The following EMC3 variants were observed in gnomAD, a reference collection of about 807,000 sequenced individuals.
EMC3 encodes the protein 30 kDa protein.
In EMC3, 13 loss-of-function variants were observed where a neutral mutation model predicts 36.6. The observed-to-expected ratio is 0.35, with a 90% CI of 0.23 to 0.56. EMC3 has a LOEUF of 0.56. Ranked by LOEUF, EMC3 falls within the 20% of genes least tolerant of loss-of-function variation. The pLI, the probability that EMC3 is intolerant of heterozygous loss-of-function variation, is 0.84. For missense variants in EMC3, 220 were observed against 324.5 expected (o/e 0.68, Z 2.47); for synonymous variants, 120 against 111.9 (o/e 1.07, Z -0.46).
chr3:9,972,082 C>T (rs1437433297), intron 5 of EMC3, among the ~76,000 whole-genome samples: 2 of 152,100 alleles, frequency 1.3e-5, no homozygotes, highest in African/African-American at 4.8e-5. Context: ...GTAAGTAACA[C>T]ATGGGTGCTG....
Position 9,963,471 on chromosome 3 carries a change from A to ATTT in EMC3, c.*597_*598insAAA, listed in dbSNP as rs1209408583. ...CTAAGATAGATATATATATATATAT[A>ATTT]TATATATTTTTTTTTTTTTTTCAGA... On this transcript the variant is annotated 3_prime_UTR_variant, in exon 8 of 8. Transcript: ENST00000245046. 1 of 109,926 alleles carries ATTT rather than the reference A, an allele frequency of 9.1e-6. No individual in the cohort carries two copies. Among genetic ancestry groups the ATTT allele is most frequent in the African/African-American group, 3.5e-5 (1 of 28,400 alleles). 6.8% of individuals were successfully genotyped at this position (109,926 alleles called of 1,614,324 possible).
chr3:9,977,385 G>A lies in EMC3; in HGVS notation c.213+4C>T, dbSNP rs1373754494. On this transcript the variant is annotated splice_donor_region_variant and intron_variant, in intron 2 of 7. Transcript: ENST00000245046. ...GAGCTTTTTAATAAAAGATAAATGAGTACCTGTTTGGGAATGTATTTTCCA... is the reference window on the plus strand; with the variant it reads ...GAGCTTTTTAATAAAAGATAAATGAATACCTGTTTGGGAATGTATTTTCCA... 3.7e-6 allele frequency: 6 copies of A among 1,610,434 alleles called. No homozygotes were observed. The highest frequency in any genetic ancestry group is 2.2e-5 in the East Asian group (1 of 44,858).
intron 1 of EMC3, among the ~76,000 whole-genome samples, chr3:10,006,137 G>T (rs773820020): frequency 6.6e-6 from 1 of 152,194 alleles, no homozygotes; most frequent in Non-Finnish European, 1.5e-5. Flanking sequence ...CCAGCAACTG[G>T]TGAAGTCTTA....
At chr3:9,998,652 A>G (rs1266743213) in intron 1 of EMC3, among the ~76,000 whole-genome samples, 1 of 151,864 alleles carries the variant, frequency 6.6e-6, no homozygotes, top group Non-Finnish European at 1.5e-5. Context: ...TTGTGGTTTG[A>G]TTTGCATTTC....
chr3:9,973,628 C>CAGGATGCATCTAATGTGAGTAGCT lies in EMC3; in HGVS notation c.470_493dup (p.Ser164_Trp165insTer). On this transcript the variant is annotated stop_gained and splice_region_variant, in exon 5 of 8. Transcript: ENST00000245046. LOFTEE classifies it high-confidence loss of function. ...TTATTAAACAAAAGAAAGTTCTTAC[C>CAGGATGCATCTAATGTGAGTAGCT]AGGATGCATCTAATGTGAGTAGCTC... is the stretch of plus-strand genomic sequence containing the variant. 1 of 1,613,772 alleles carries CAGGATGCATCTAATGTGAGTAGCT rather than the reference C, an allele frequency of 6.2e-7. No homozygotes were observed.
In EMC3 at chr3:9,963,727, C is replaced by G. The variant is rs377532068; in HGVS notation, c.*342G>C. The G allele has an allele frequency of 7.5e-5, 13 of 174,052 alleles. 1 individual carries two copies. The East Asian group carries it at 8.1e-4, about 11-fold the overall frequency. The allele number at this position is 174,052 out of a possible 1,614,324, so 10.8% of individuals were successfully genotyped here. A position where few individuals can be genotyped will look rare whatever the true frequency, so the allele number is the denominator to read the frequency against. On this transcript the variant is annotated 3_prime_UTR_variant, in exon 8 of 8. Transcript: ENST00000245046. ...TCCTGATCTCGTGACCCACCCGCCT[C>G]AGCCTCCCAAAATCCTGGGATTACA...
rs914971703 is a variant in EMC3, at chr3:9,964,005, C to G, written c.*64G>C. On this transcript the variant is annotated 3_prime_UTR_variant, in exon 8 of 8. Transcript: ENST00000245046. ...TTTTTATTTCAAGAGGTGCCAGCTC[C>G]AAACAAAGTTACAAGGTTAAGTGCA... is the stretch of plus-strand genomic sequence containing the variant. The G allele has an allele frequency of 1.3e-6, 2 of 1,590,420 alleles. No individual in the cohort carries two copies. Among genetic ancestry groups the G allele is most frequent in the Non-Finnish European group, 1.7e-6 (2 of 1,167,786 alleles).
chr3:10,006,216 G>A (rs1039066777), intron 1 of EMC3, among the ~76,000 whole-genome samples: 3 of 152,218 alleles, frequency 2.0e-5, no homozygotes, highest in Non-Finnish European at 2.9e-5. Context: ...AGTCCAAGCT[G>A]AGAAGCCTGA....
At chr3:9,983,926 G>A (rs1410199958) in intron 1 of EMC3, among the ~76,000 whole-genome samples, 1 of 152,096 alleles carries the variant, frequency 6.6e-6, no homozygotes, top group Non-Finnish European at 1.5e-5. Flanking sequence ...ACTTTTCCAG[G>A]CTCCCTGGAA....
Position 9,963,477 on chromosome 3 carries a change from A to ATATATATATATTTT in EMC3, c.*591_*592insAAAATATATATATA, listed in dbSNP as rs61596273. The ATATATATATATTTT allele has an allele frequency of 1.9e-4, 17 of 88,896 alleles. No individual in the cohort carries two copies. Among genetic ancestry groups the ATATATATATATTTT allele is most frequent in the Non-Finnish European group, 2.4e-4 (11 of 46,250 alleles). The allele number at this position is 88,896 out of a possible 1,614,324, so 5.5% of individuals were successfully genotyped here. ...TAGATATATATATATATATATATAT[A>ATATATATATATTTT]TTTTTTTTTTTTTTTCAGATGGAGT... On this transcript the variant is annotated 3_prime_UTR_variant, in exon 8 of 8. Coordinates refer to ENST00000245046, the MANE Select transcript of EMC3 (RefSeq NM_001394674.1).
intron 1 of EMC3, among the ~76,000 whole-genome samples, chr3:9,978,780 G>A (rs1017179321): frequency 6.6e-6 from 1 of 152,052 alleles, no homozygotes; most frequent in Admixed American, 6.6e-5. Flanking sequence ...GCAGTGAGCC[G>A]AGACGACGCC....
intron 1 of EMC3, among the ~76,000 whole-genome samples, chr3:10,000,330 G>A (rs1255045272): frequency 6.6e-6 from 1 of 152,128 alleles, no homozygotes; most frequent in Non-Finnish European, 1.5e-5. Flanking sequence ...ATGAGCTACT[G>A]CGCCCGGCCT....
At chr3:10,007,571 G>C in intron 1 of EMC3, 1 of 1,367,658 alleles carries the variant, frequency 7.3e-7, no homozygotes, top group Non-Finnish European at 9.8e-7. Context: ...TTCTGGGTGA[G>C]GCAGGCATCC....
intron 5 of EMC3, 66 bp from the exon 6 acceptor site, chr3:9,970,727 C>G: frequency 6.6e-7 from 1 of 1,512,474 alleles, no homozygotes; most frequent in South Asian, 1.1e-5. Flanking sequence ...GTTCCCACTT[C>G]CCTACCACCC....
At chr3:9,998,077 T>C (rs1191534994) in intron 1 of EMC3, among the ~76,000 whole-genome samples, 1 of 151,962 alleles carries the variant, frequency 6.6e-6, no homozygotes, top group Non-Finnish European at 1.5e-5. Flanking sequence ...TCTTAAAAAA[T>C]GTTTTATGGC....
intron 1 of EMC3, among the ~76,000 whole-genome samples, chr3:9,979,127 T>C (rs2085882620): frequency 6.6e-6 from 1 of 152,188 alleles, no homozygotes; most frequent in Admixed American, 6.6e-5. Context: ...TGCTATACAG[T>C]TCTCTACTTT....
intron 3 of EMC3, 64 bp downstream of exon 3, chr3:9,976,893 C>T: frequency 2.5e-6 from 3 of 1,182,220 alleles, no homozygotes; most frequent in South Asian, 1.3e-5. Flanking sequence ...CCTGCCTACC[C>T]CACCCCACTC....
At chr3:9,969,568 G>A in intron 7 of EMC3, 151 bp downstream of exon 7, 1 of 1,524,348 alleles carries the variant, frequency 6.6e-7, no homozygotes, top group Non-Finnish European at 8.8e-7. Flanking sequence ...TTCTGTCTCA[G>A]GAAAGAGAGA....
chr3:9,965,448 AG>A (rs2085728068), intron 7 of EMC3, among the ~76,000 whole-genome samples: 3 of 152,006 alleles, frequency 2.0e-5, no homozygotes, highest in Non-Finnish European at 4.4e-5. Context: ...ATAGATAGAT[AG>A]ATAGATAGAT....
Sources: allele counts gnomAD v4.1 joint callset (sites outside exome capture counted in the v4.1 genomes callset), GRCh38; gene constraint gnomAD v4.1.1; transcripts MANE v1.5; gene names NCBI Gene and HGNC (gene_info 2026-07-23, HGNC 2026-07-21).